The following CAMSAP3 variants were observed in gnomAD, a reference collection of about 807,000 sequenced individuals.
The protein encoded by CAMSAP3 is calmodulin regulated spectrin associated protein family member 3.
A neutral mutation model predicts 112.5 loss-of-function variants in CAMSAP3; 34 were observed. The ratio of observed to expected loss-of-function variants is 0.30; its 90% CI spans 0.23 to 0.40. CAMSAP3 has a LOEUF of 0.40. Ranked by LOEUF, CAMSAP3 falls within the 10% of genes least tolerant of loss-of-function variation. The pLI is 1.00. For missense variants in CAMSAP3, 1,602 were observed against 1,770.3 expected (o/e 0.90, Z 1.71); for synonymous variants, 868 against 799.8 (o/e 1.09, Z -1.44).
chr19:7,596,797 G>T (rs1342789864), intron 1 of CAMSAP3, among the ~76,000 whole-genome samples: 1 of 152,154 alleles, frequency 6.6e-6, no homozygotes, highest in East Asian at 1.9e-4. Flanking sequence ...GGGGAGGTTG[G>T]CGAGCCCAGC....
intron 1 of CAMSAP3, among the ~76,000 whole-genome samples, chr19:7,599,269 C>T (rs139827423): frequency 0.015 from 2,154 of 144,520 alleles, 52 homozygotes; most frequent in African/African-American, 0.054. Flanking sequence ...ACCCACCTAC[C>T]CACTGCACTC....
rs767226543 is a variant in CAMSAP3 at position 7,611,500 on chromosome 19, C to A, written c.1124-17C>A. ...GTTCCCAGGGTCCCCATAGTGACCA[C>A]TCATCGCCTCCCCCAGGCTCCCTGA... On this transcript the variant is annotated splice_polypyrimidine_tract_variant and intron_variant, in intron 9 of 16. Transcript: ENST00000160298. The surrounding 1 kb of genome is among the most constrained non-coding windows in gnomAD (Gnocchi z 6.9). 1.2e-6 allele frequency: 2 copies of A among 1,600,094 alleles called. No homozygotes were observed. The highest frequency in any genetic ancestry group is 3.4e-5 in the Admixed American group (2 of 58,508).
intron 2 of CAMSAP3, 137 bp downstream of exon 2, chr19:7,605,616 G>A: frequency 9.6e-7 from 1 of 1,038,768 alleles, no homozygotes; most frequent in Non-Finnish European, 1.3e-6. Context: ...ATTAAGCCTA[G>A]CTCCTCCCAT....
In CAMSAP3 at chr19:7,596,040, G is replaced by A; in HGVS notation, c.38G>A (p.Arg13Gln). The change falls in exon 1 of 17, where the codon CGG (arginine) becomes CAG (glutamine). Residue 13 changes from arginine to glutamine, a missense_variant. Arg to Gln is a conservative substitution (Grantham distance 43). Coordinates refer to ENST00000160298, the MANE Select transcript of CAMSAP3 (RefSeq NM_020902.2). ...GCGCCCCCCGGGCCCGGGCCGCTGC[G>A]GAGGACCTTTCTAGTGCCCGAGATC... Reference protein sequence around the residue: ...EAAPPGPGPLRRTFLVPEIKS... With the variant: ...EAAPPGPGPLQRTFLVPEIKS... 1 of 1,244,660 alleles carries A rather than the reference G, an allele frequency of 8.0e-7. No individual in the cohort carries two copies. The highest frequency in any genetic ancestry group is 1.0e-6 in the Non-Finnish European group (1 of 966,818). 77.1% of individuals were successfully genotyped at this position (1,244,660 alleles called of 1,614,324 possible). A position where few individuals can be genotyped will look rare whatever the true frequency, so the allele number is the denominator to read the frequency against.
At position 7,611,750 on chromosome 19, in the gene CAMSAP3, C is replaced by T. The variant is rs1041940749; in HGVS notation, c.1257C>T (p.Val419=). The change falls in exon 11 of 17, where the codon GTC becomes GTT. Residue 419 remains valine (V), a synonymous_variant. Coordinates refer to ENST00000160298, the MANE Select transcript of CAMSAP3 (RefSeq NM_020902.2). The surrounding 1 kb of genome is among the most constrained non-coding windows in gnomAD (Gnocchi z 6.9). ...TPFGLDSDVD[V]VMGDPVLLRS... ...TTGGCCTGGACAGCGACGTGGATGT[C>T]GTCATGGGAGACCCTGTGCTCCTCC... 2.5e-5 allele frequency: 39 copies of T among 1,581,332 alleles called. No individual in the cohort carries two copies. The highest frequency in any genetic ancestry group is 3.1e-5 in the Non-Finnish European group (36 of 1,162,982).
rs758513633 is a variant in CAMSAP3 at position 7,606,385 on chromosome 19, G to C, written c.517G>C (p.Val173Leu). The C allele has an allele frequency of 1.9e-6, 3 of 1,613,730 alleles. No individual in the cohort carries two copies. Among genetic ancestry groups the C allele is most frequent in the Non-Finnish European group, 2.5e-6 (3 of 1,180,016 alleles). Residue 173 changes from valine to leucine, a missense_variant, in exon 3 of 17, where the codon GTG becomes CTG. By Grantham distance (32) the Val-to-Leu change is conservative. Around this residue, in one of 6 missense-constraint regions of CAMSAP3, gnomAD observed 112 missense variants for 94.2 expected, o/e 1.19. Coordinates refer to ENST00000160298, the MANE Select transcript of CAMSAP3 (RefSeq NM_020902.2). ...CTTGGAGCACAAGCTGCTTTTCTGG[G>C]TGGACACGGTAGGTGGGGTTGGGCC... ...TSLEHKLLFW[V>L]DTTVRRLQEK...
In CAMSAP3 at chr19:7,617,707, G is replaced by T. The variant is rs1300229612; in HGVS notation, c.3445-45G>T. 3.3e-5 allele frequency: 54 copies of T among 1,612,860 alleles called. No individual in the cohort carries two copies. The highest frequency in any genetic ancestry group is 4.6e-5 in the Non-Finnish European group (54 of 1,179,268). The stretch of plus-strand genomic sequence containing the variant: ...GAGTTGGGGGCTGGTGGGTGGGTGG[G>T]TGGCCTGACTTGGCCAGCTGACCAT... On this transcript the variant is annotated intron_variant, in intron 16 of 16. Coordinates refer to ENST00000160298, the MANE Select transcript of CAMSAP3 (RefSeq NM_020902.2). The surrounding 1 kb of genome is among the most constrained non-coding windows in gnomAD (Gnocchi z 7.5).
Position 7,615,586 on chromosome 19 carries a change from C to A in CAMSAP3, c.2979C>A (p.Asp993Glu). 6.7e-7 allele frequency: 1 copy of A among 1,501,742 alleles called. No homozygotes were observed. The highest frequency in any genetic ancestry group is 8.9e-7 in the Non-Finnish European group (1 of 1,125,686). 93.0% of individuals were successfully genotyped at this position (1,501,742 alleles called of 1,614,324 possible). ...GGGCCCAGCTGAAGCTGATGGACGA[C>A]CTCGATAAGGTGCTGCGGCCCCGGG... ...ERRAQLKLMD[D>E]LDKVLRPRAA... Residue 993 changes from aspartate to glutamate, a missense_variant, in exon 13 of 17, where the codon GAC (aspartate) becomes GAA (glutamate). Asp to Glu is a conservative substitution (Grantham distance 45). This residue lies in a region of CAMSAP3 where 1,100 missense variants were observed against 1,135.7 expected (regional missense o/e 0.97). Transcript: ENST00000160298. The surrounding 1 kb of genome is among the most constrained non-coding windows in gnomAD (Gnocchi z 6.5).
At position 7,617,598 on chromosome 19, in the gene CAMSAP3, T is replaced by C; in HGVS notation, c.3381T>C (p.Asn1127=). The change falls in exon 16 of 17, where the codon AAT becomes AAC. Residue 1127 remains asparagine, a synonymous_variant. Coordinates refer to ENST00000160298, the MANE Select transcript of CAMSAP3 (RefSeq NM_020902.2). The surrounding 1 kb of genome is among the most constrained non-coding windows in gnomAD (Gnocchi z 7.5). ...SAKSNKFIIH[N]ALSHCCLAGK... ...AGTCCAACAAGTTCATCATCCACAATGCCCTATCACACTGCTGCCTGGCGG... is the reference window on the plus strand; with the variant it reads ...AGTCCAACAAGTTCATCATCCACAACGCCCTATCACACTGCTGCCTGGCGG... The C allele has an allele frequency of 6.2e-7, 1 of 1,613,830 alleles. No individual in the cohort carries two copies. Among genetic ancestry groups the C allele is most frequent in the South Asian group, 1.1e-5 (1 of 91,054 alleles).
rs761608131 is a variant in CAMSAP3 at position 7,608,180 on chromosome 19, G to A, written c.676G>A (p.Val226Met). Residue 226 changes from valine (V) to methionine (M), a missense_variant, in exon 5 of 17, where the codon GTG becomes ATG. Val to Met is a conservative substitution (Grantham distance 21, BLOSUM62 1). This residue lies in a region of CAMSAP3 where 112 missense variants were observed against 94.2 expected (regional missense o/e 1.19). Transcript: ENST00000160298. ...VARRAPCFPT[V>M]TSLQDLASGA... is the part of the protein sequence containing the mutation. ...GCGACGTGCCCCCTGCTTCCCGACGGTGACCAGCCTCCAGGACCTGGCCAG... is the reference window on the plus strand; with the variant it reads ...GCGACGTGCCCCCTGCTTCCCGACGATGACCAGCCTCCAGGACCTGGCCAG... 1.9e-6 allele frequency: 3 copies of A among 1,612,626 alleles called. No homozygotes were observed. Among genetic ancestry groups the A allele is most frequent in the Non-Finnish European group, 2.5e-6 (3 of 1,179,950 alleles).
In CAMSAP3 at chr19:7,617,930, G is replaced by A. The variant is rs762811618; in HGVS notation, c.3623G>A (p.Arg1208His). 12 of 1,613,986 alleles carry A rather than the reference G, an allele frequency of 7.4e-6. No homozygotes were observed. In the Admixed American group the frequency reaches 8.3e-5, roughly 11 times the overall value. Residue 1208 changes from arginine (R) to histidine (H), a missense_variant, in exon 17 of 17, where the codon CGC (arginine) becomes CAC (histidine). Around this residue, in one of 6 missense-constraint regions of CAMSAP3, gnomAD observed 150 missense variants for 207.6 expected, o/e 0.72. Coordinates refer to ENST00000160298, the MANE Select transcript of CAMSAP3 (RefSeq NM_020902.2). This position sits in a 1 kb window ranked among gnomAD's most constrained non-coding sequence, Gnocchi z 7.5. ...GGCATCTACAAGTACAACTCGGACC[G>A]CAAGCGCTTCACCCAGATCCCCGCC... ...VEGIYKYNSD[R>H]KRFTQIPAKT...
rs185616314 is a variant in CAMSAP3, at chr19:7,603,788, G to T, written c.149-1438G>T. 2.0e-5 allele frequency among the ~76,000 whole-genome samples: 3 copies of T among 152,256 alleles called. No individual in the cohort carries two copies. In the East Asian group the frequency reaches 5.8e-4, roughly 29 times the overall value. On this transcript the variant is annotated intron_variant, in intron 1 of 16. Transcript: ENST00000160298. ...ATCCCTTGAGCCCAGAGTTCAGGTT[G>T]CAGTGAGCCATGATCGTGCCACTGC...
Position 7,613,175 on chromosome 19 carries a change from A to G in CAMSAP3, c.2670+12A>G. ...GGTTCTTCTACAAGGTGAGTCCCCGAGCAGGTGGCTGGAGGGTCCTGGGCC... is the reference window on the plus strand; with the variant it reads ...GGTTCTTCTACAAGGTGAGTCCCCGGGCAGGTGGCTGGAGGGTCCTGGGCC... On this transcript the variant is annotated intron_variant, in intron 11 of 16. Transcript: ENST00000160298. 8.3e-7 allele frequency: 1 copy of G among 1,201,902 alleles called. No homozygotes were observed. The highest frequency in any genetic ancestry group is 1.1e-6 in the Non-Finnish European group (1 of 940,046). The allele number at this position is 1,201,902 out of a possible 1,614,324, so 74.5% of individuals were successfully genotyped here. A position where few individuals can be genotyped will look rare whatever the true frequency, so the allele number is the denominator to read the frequency against.
In CAMSAP3 at chr19:7,596,169, CCGGGG is replaced by C; in HGVS notation, c.148+20_148+24del. 6.8e-6 allele frequency: 1 copy of C among 146,096 alleles called. No homozygotes were observed. The highest frequency in any genetic ancestry group is 9.9e-6 in the Non-Finnish European group (1 of 101,164). 9.0% of individuals were successfully genotyped at this position (146,096 alleles called of 1,614,324 possible). A position where few individuals can be genotyped will look rare whatever the true frequency, so the allele number is the denominator to read the frequency against. On this transcript the variant is annotated intron_variant, in intron 1 of 16. Transcript: ENST00000160298. Reference sequence around the variant, plus strand: ...GGCGCAGGTACCGGGGCTCGGGGGACCGGGGTCGGGGGCGGCGGGCCGGGCGCGGC... The same window carrying C: ...GGCGCAGGTACCGGGGCTCGGGGGACTCGGGGGCGGCGGGCCGGGCGCGGC...
chr19:7,608,404 C>T, intron 5 of CAMSAP3, 140 bp downstream of exon 5: 1 of 1,009,106 alleles, frequency 9.9e-7, no homozygotes, highest in East Asian at 2.5e-5. Flanking sequence ...ACTGGCAGGC[C>T]TGAGTTTGTG....
chr19:7,595,955 C>T lies in CAMSAP3; in HGVS notation c.-48C>T, dbSNP rs1363991339. The T allele has an allele frequency of 3.1e-6, 3 of 982,168 alleles. No homozygotes were observed. The highest frequency in any genetic ancestry group is 1.8e-5 in the African/African-American group (1 of 56,088). 60.8% of individuals were successfully genotyped at this position (982,168 alleles called of 1,614,324 possible). A position where few individuals can be genotyped will look rare whatever the true frequency, so the allele number is the denominator to read the frequency against. On this transcript the variant is annotated 5_prime_UTR_variant, in exon 1 of 17. Coordinates refer to ENST00000160298, the MANE Select transcript of CAMSAP3 (RefSeq NM_020902.2). ...GGGCGCGAGCGCGGCGCAGCCCAGC[C>T]CAGCCCAGTCCGAGCGCGGACCCGG...
In CAMSAP3 at chr19:7,607,712, C is replaced by T. The variant is rs2030287981; in HGVS notation, c.622-414C>T. 9 of 443,704 alleles carry T rather than the reference C, an allele frequency of 2.0e-5. No homozygotes were observed. The highest frequency in any genetic ancestry group is 3.3e-5 in the Non-Finnish European group (8 of 242,416). 27.5% of individuals were successfully genotyped at this position (443,704 alleles called of 1,614,324 possible). ...CAGAGCAGTCAGGGAGCTGGACGGCCGGGGCTCAGGACCAGGGTCAGGGCT... is the reference window on the plus strand; with the variant it reads ...CAGAGCAGTCAGGGAGCTGGACGGCTGGGGCTCAGGACCAGGGTCAGGGCT... On this transcript the variant is annotated intron_variant, in intron 4 of 16. Transcript: ENST00000160298. This position sits in a 1 kb window ranked among gnomAD's most constrained non-coding sequence, Gnocchi z 4.9.
At chr19:7,604,306 C>T (rs539350076) in intron 1 of CAMSAP3, among the ~76,000 whole-genome samples, 4 of 152,212 alleles carry the variant, frequency 2.6e-5, no homozygotes, top group East Asian at 1.9e-4. Context: ...GGCTTCCTCA[C>T]GCCTCTTCCC....
intron 1 of CAMSAP3, among the ~76,000 whole-genome samples, chr19:7,602,968 T>TTG (rs1432133150): frequency 2.6e-5 from 4 of 152,098 alleles, no homozygotes; most frequent in African/African-American, 9.6e-5. Context: ...GAAGTGAGCC[T>TTG]GAAATACCTC....
Sources: allele counts gnomAD v4.1 joint callset (sites outside exome capture counted in the v4.1 genomes callset), GRCh38; gene constraint gnomAD v4.1.1; regional missense constraint gnomAD v4.1.1; non-coding constraint Gnocchi (gnomAD v3.1); transcripts MANE v1.5; gene names NCBI Gene and HGNC (gene_info 2026-07-23, HGNC 2026-07-21).